ZFP69B: variants seen among roughly 807,000 people sequenced by gnomAD.
ZFP69B encodes the protein zinc finger protein 69 homolog B.
In ZFP69B, 20 loss-of-function variants were observed where a neutral mutation model predicts 19.7. The observed-to-expected ratio is 1.02, with a 90% CI of 0.71 to 1.48. ZFP69B has a LOEUF of 1.48. ZFP69B is among the 40% of genes most tolerant of loss of function. The pLI is 0.00. For missense variants in ZFP69B, 583 were observed against 632.6 expected (o/e 0.92, Z 0.84); for synonymous variants, 220 against 222.7 (o/e 0.99, Z 0.11).
Position 40,463,399 on chromosome 1 carries a change from T to A in ZFP69B, c.1415T>A (p.Val472Glu), listed in dbSNP as rs775383186. 6.2e-7 allele frequency: 1 copy of A among 1,613,810 alleles called. No individual in the cohort carries two copies. Among genetic ancestry groups the A allele is most frequent in the Non-Finnish European group, 8.5e-7 (1 of 1,179,896 alleles). ...ATCCATCAGAGAGTCCATACTGGAG[T>A]AAAACCTTATGAATGCAGTCATTGT... ...LSIHQRVHTG[V>E]KPYECSHCGK... The change falls in exon 5 of 5, where the codon GTA becomes GAA. Residue 472 changes from valine (V) to glutamate (E), a missense_variant. Val to Glu is a moderately radical substitution (Grantham distance 121, BLOSUM62 -2). Transcript: ENST00000361584.
At chr1:40,458,900 A>C (rs894346535) in intron 4 of ZFP69B, among the ~76,000 whole-genome samples, 2 of 152,156 alleles carry the variant, frequency 1.3e-5, no homozygotes, top group South Asian at 4.1e-4. Context: ...TGGCTCCTCT[A>C]TCCACTAGGG....
At chr1:40,452,903 A>G (rs776245900) in intron 1 of ZFP69B, among the ~76,000 whole-genome samples, 8 of 151,784 alleles carry the variant, frequency 5.3e-5, no homozygotes, top group Non-Finnish European at 1.0e-4. Flanking sequence ...GGATGTATAG[A>G]TGTTCAATAT....
intron 4 of ZFP69B, among the ~76,000 whole-genome samples, chr1:40,457,704 A>C (rs1401108556): frequency 6.6e-6 from 1 of 152,108 alleles, no homozygotes. Context: ...TCTTTCTCCA[A>C]TATTCTAAAC....
chr1:40,457,224 T>C, intron 3 of ZFP69B, 120 bp from the exon 4 acceptor site: 1 of 1,474,726 alleles, frequency 6.8e-7, no homozygotes, highest in Non-Finnish European at 9.3e-7. Context: ...TCTTTTCTGC[T>C]CTGTTCTTTC....
intron 2 of ZFP69B, among the ~76,000 whole-genome samples, chr1:40,454,882 AGAG>A (rs1325528240): frequency 3.3e-5 from 5 of 152,238 alleles, no homozygotes; most frequent in Non-Finnish European, 7.3e-5. Flanking sequence ...AAGGAAATAG[AGAG>A]GAGAAGAAGT....
In ZFP69B at chr1:40,462,786, A is replaced by T; in HGVS notation, c.802A>T (p.Asn268Tyr). The change falls in exon 5 of 5, where the codon AAT (asparagine) becomes TAT (tyrosine). Residue 268 changes from asparagine (N) to tyrosine (Y), a missense_variant. Coordinates refer to ENST00000361584, the MANE Select transcript of ZFP69B (RefSeq NM_023070.3). ...KRSRYNIDLV[N>Y]HSRSYTKMKT... ...AAGCAGATACAACATAGATTTAGTT[A>T]ATCATTCAAGGAGTTATACAAAAAT... 6.2e-7 allele frequency: 1 copy of T among 1,613,478 alleles called. No individual in the cohort carries two copies. Among genetic ancestry groups the T allele is most frequent in the Non-Finnish European group, 8.5e-7 (1 of 1,179,818 alleles).
intron 4 of ZFP69B, among the ~76,000 whole-genome samples, chr1:40,457,862 A>C (rs1049162453): frequency 3.3e-5 from 5 of 151,894 alleles, no homozygotes; most frequent in African/African-American, 1.2e-4. Flanking sequence ...TATTTTTCTA[A>C]TCCTTATTTT....
At position 40,463,104 on chromosome 1, in the gene ZFP69B, C is replaced by T. The variant is rs371400359; in HGVS notation, c.1120C>T (p.Gln374Ter). 3.6e-5 allele frequency: 58 copies of T among 1,613,992 alleles called. No individual in the cohort carries two copies. The highest frequency in any genetic ancestry group is 4.7e-5 in the Non-Finnish European group (56 of 1,180,032). Residue 374 changes from glutamine to a stop codon, truncating the protein, a stop_gained, in exon 5 of 5, where the codon CAG becomes TAG. Transcript: ENST00000361584. LOFTEE classifies it low-confidence loss of function (END_TRUNC). ...ECRVCEKAFS[Q>*]SIGLIQHLRT... ...TAGGGTATGTGAGAAAGCCTTCAGC[C>T]AGAGCATTGGACTGATCCAGCATTT...
At chr1:40,450,396 A>C (rs1645173293), upstream of ZFP69B, among the ~76,000 whole-genome samples, 1 of 152,202 alleles carries the variant, frequency 6.6e-6, no homozygotes, top group African/African-American at 2.4e-5. Context: ...GGTTTGCTAC[A>C]GCCGACTAGT....
chr1:40,461,432 A>G lies in ZFP69B; in HGVS notation c.437-989A>G, dbSNP rs570788740. Among the ~76,000 whole-genome samples the G allele has an allele frequency of 7.2e-4, 109 of 152,308 alleles. 1 individual carries two copies. The highest frequency in any genetic ancestry group is 1.3e-3 in the Non-Finnish European group (90 of 68,030). ...AAAAGTATTTGAGATAACTTTTAAAATACTTTTTTTTTGGAAATAAAGAAA... is the reference window on the plus strand; with the variant it reads ...AAAAGTATTTGAGATAACTTTTAAAGTACTTTTTTTTTGGAAATAAAGAAA... On this transcript the variant is annotated intron_variant, in intron 4 of 4. Coordinates refer to ENST00000361584, the MANE Select transcript of ZFP69B (RefSeq NM_023070.3).
Position 40,450,905 on chromosome 1 carries a change from T to C in ZFP69B, c.-57T>C. ...CTTCCAGCAATTTCCTCATCAGAGG[T>C]GGACAAGCCCTATGGGCTAAGACAG... On this transcript the variant is annotated 5_prime_UTR_variant, in exon 1 of 5. Transcript: ENST00000361584. 1 of 1,436,186 alleles carries C rather than the reference T, an allele frequency of 7.0e-7. No homozygotes were observed. Among genetic ancestry groups the C allele is most frequent in the South Asian group, 1.4e-5 (1 of 69,612 alleles). The allele number at this position is 1,436,186 out of a possible 1,614,324, so 89.0% of individuals were successfully genotyped here. A position where few individuals can be genotyped will look rare whatever the true frequency, so the allele number is the denominator to read the frequency against.
In ZFP69B at chr1:40,457,088, C is replaced by T. The variant is rs1229648945; in HGVS notation, c.340+17C>T. On this transcript the variant is annotated intron_variant, in intron 3 of 4. Coordinates refer to ENST00000361584, the MANE Select transcript of ZFP69B (RefSeq NM_023070.3). ...TCTCAGTGGGTAAGGATGGGCTCCT[C>T]TTGAAAATAGAACGTACCTATTGGA... The T allele has an allele frequency of 1.3e-6, 2 of 1,585,774 alleles. No individual in the cohort carries two copies. Among genetic ancestry groups the T allele is most frequent in the Admixed American group, 1.9e-5 (1 of 52,808 alleles).
chr1:40,454,398 C>CT (rs974487648), intron 2 of ZFP69B, 110 bp downstream of exon 2: 7 of 775,352 alleles, frequency 9.0e-6, no homozygotes, highest in Non-Finnish European at 7.5e-6. Flanking sequence ...CTTTTTTTTT[C>CT]TTTTTTTCAT....
chr1:40,450,095 A>G (rs192904257), upstream of ZFP69B: 3 of 152,352 alleles, frequency 2.0e-5, no homozygotes, highest in Admixed American at 6.5e-5. Flanking sequence ...CCGCAGCGCT[A>G]CGTGGGAGCT....
In ZFP69B at chr1:40,454,304, TG is replaced by T; in HGVS notation, c.213+18del. The T allele has an allele frequency of 6.5e-7, 1 of 1,544,464 alleles. No homozygotes were observed. On this transcript the variant is annotated intron_variant, in intron 2 of 4. Transcript: ENST00000361584. ...AGAATCCCAGGTGGGTTGGAGTTTC[TG>T]GTCACTTTCTTGACATTGTTTCTCA...
intron 3 of ZFP69B, 124 bp from the exon 4 acceptor site, chr1:40,457,220 C>G (rs748568757): frequency 1.4e-6 from 2 of 1,476,270 alleles, no homozygotes; most frequent in Non-Finnish European, 1.9e-6. Context: ...ATGCTCTTTT[C>G]TGCTCTGTTC....
At chr1:40,456,159 C>G (rs1645230907) in intron 2 of ZFP69B, among the ~76,000 whole-genome samples, 2 of 152,078 alleles carry the variant, frequency 1.3e-5, no homozygotes. Context: ...ATTGCTGGTT[C>G]TAGATCCATG....
At position 40,450,988 on chromosome 1, in the gene ZFP69B, G is replaced by A; in HGVS notation, c.27G>A (p.Leu9=). MLQQLLIT[L]PTEASTWVKL... Reference sequence around the variant, plus strand: ...TGCTGCAGCAGCTCCTGATCACCCTGCCCACCGAGGCCAGCACCTGGGTGA... The same window carrying A: ...TGCTGCAGCAGCTCCTGATCACCCTACCCACCGAGGCCAGCACCTGGGTGA... The change falls in exon 1 of 5, where the codon CTG becomes CTA. Residue 9 remains leucine, a synonymous_variant. Coordinates refer to ENST00000361584, the MANE Select transcript of ZFP69B (RefSeq NM_023070.3). 1 of 1,551,330 alleles carries A rather than the reference G, an allele frequency of 6.4e-7. No homozygotes were observed. Among genetic ancestry groups the A allele is most frequent in the Non-Finnish European group, 8.7e-7 (1 of 1,146,982 alleles).
rs768286935 is a variant in ZFP69B at position 40,462,754 on chromosome 1, G to T, written c.770G>T (p.Gly257Val). 1 of 1,614,032 alleles carries T rather than the reference G, an allele frequency of 6.2e-7. No individual in the cohort carries two copies. The highest frequency in any genetic ancestry group is 1.1e-5 in the South Asian group (1 of 91,048). ...AGAGATCGTAAATATGACACACCTG[G>T]AAAGAGAAGCAGATACAACATAGAT... ...RKRDRKYDTP[G>V]KRSRYNIDLV... The change falls in exon 5 of 5, where the codon GGA (glycine) becomes GTA (valine). Residue 257 changes from glycine to valine, a missense_variant. By Grantham distance (109) the Gly-to-Val change is moderately radical. Coordinates refer to ENST00000361584, the MANE Select transcript of ZFP69B (RefSeq NM_023070.3).
Sources: allele counts gnomAD v4.1 joint callset (sites outside exome capture counted in the v4.1 genomes callset), GRCh38; gene constraint gnomAD v4.1.1; transcripts MANE v1.5; gene names NCBI Gene and HGNC (gene_info 2026-07-23, HGNC 2026-07-21).